The following FKBP15 variants were observed in gnomAD, a reference collection of about 807,000 sequenced individuals.
FKBP15 encodes FK506-binding protein 15.
A neutral mutation model predicts 158.1 loss-of-function variants in FKBP15; 106 were observed. The ratio of observed to expected loss-of-function variants is 0.67; its 90% CI spans 0.57 to 0.79. The LOEUF (loss-of-function observed/expected upper bound fraction) is 0.79. Among genes scored for constraint, FKBP15 ranks in the 30% least tolerant of loss-of-function variants. The pLI, the probability that FKBP15 is intolerant of heterozygous loss-of-function variation, is 0.00. For missense variants in FKBP15, 1,287 were observed against 1,479.1 expected (o/e 0.87, Z 2.13); for synonymous variants, 547 against 548.6 (o/e 1.00, Z 0.04).
Position 113,173,557 on chromosome 9 carries a change from C to T in FKBP15, c.2428G>A (p.Glu810Lys). 1 of 1,613,968 alleles carries T rather than the reference C, an allele frequency of 6.2e-7. No individual in the cohort carries two copies. The highest frequency in any genetic ancestry group is 1.3e-5 in the African/African-American group (1 of 75,030). The part of the protein sequence containing the change: ...ELQTQWEAKC[E>K]HLLASAKDEH... ...TCCTTGGCGGAGGCCAACAAATGTT[C>T]ACATTTTGCTTCCCACTGGGTCTGT... Residue 810 changes from glutamate (E) to lysine (K), a missense_variant, in exon 23 of 28, where the codon GAA becomes AAA. Glu to Lys is a moderately conservative substitution (Grantham distance 56). Coordinates refer to ENST00000238256, the MANE Select transcript of FKBP15 (RefSeq NM_015258.2).
Position 113,188,482 on chromosome 9 carries a change from T to C in FKBP15, c.1183A>G (p.Thr395Ala). 5 of 1,613,520 alleles carry C rather than the reference T, an allele frequency of 3.1e-6. No individual in the cohort carries two copies. The South Asian group carries it at 3.3e-5, about 11-fold the overall frequency. Residue 395 changes from threonine (T) to alanine (A), a missense_variant, in exon 13 of 28, where the codon ACT becomes GCT. Physicochemically the swap from Thr to Ala is moderately conservative, Grantham distance 58. Transcript: ENST00000238256. Reference sequence around the variant, plus strand: ...ACAGGCTGCCCACCTCCTTGCAGAGTGTTCACATCCTGAAACAGGAACAAG... The same window carrying C: ...ACAGGCTGCCCACCTCCTTGCAGAGCGTTCACATCCTGAAACAGGAACAAG... ...SNDSEIEDVN[T>A]LQGGGQPVVT...
intron 19 of FKBP15, among the ~76,000 whole-genome samples, chr9:113,179,175 G>A (rs997826734): frequency 5.9e-5 from 9 of 151,968 alleles, no homozygotes; most frequent in Non-Finnish European, 1.0e-4. Context: ...GACCACAGGT[G>A]CAAGCTACTA....
intron 27 of FKBP15, 105 bp downstream of exon 27, chr9:113,168,355 C>A: frequency 2.1e-6 from 2 of 949,924 alleles, no homozygotes; most frequent in South Asian, 1.5e-5. Flanking sequence ...CACACAGAGT[C>A]CAGGGAGTGG....
rs1195972727 is a variant in FKBP15, at chr9:113,165,161, G to A, written c.*917C>T. 1 of 152,116 alleles carries A rather than the reference G, an allele frequency of 6.6e-6. No homozygotes were observed. Among genetic ancestry groups the A allele is most frequent in the Admixed American group, 6.5e-5 (1 of 15,272 alleles). The allele number at this position is 152,116 out of a possible 1,614,324, so 9.4% of individuals were successfully genotyped here. A position where few individuals can be genotyped will look rare whatever the true frequency, so the allele number is the denominator to read the frequency against. ...TAAGTCCTGGTCCCATGAGTTCTAA[G>A]GGAATGGAAGCTGCTCTCAAAGTGA... On this transcript the variant is annotated 3_prime_UTR_variant, in exon 28 of 28. Transcript: ENST00000238256.
In FKBP15 at chr9:113,184,865, A is replaced by G; in HGVS notation, c.1499-61T>C. ...CTGGAGCAGAGGAAACTGTATGAAG[A>G]AAAGCTAGTAGCTCTTCCAGTAAAG... On this transcript the variant is annotated intron_variant, in intron 15 of 27. Coordinates refer to ENST00000238256, the MANE Select transcript of FKBP15 (RefSeq NM_015258.2). The surrounding 1 kb of genome is among the most constrained non-coding windows in gnomAD (Gnocchi z 4.5). The G allele has an allele frequency of 7.9e-7, 1 of 1,272,894 alleles. No homozygotes were observed. Among genetic ancestry groups the G allele is most frequent in the South Asian group, 1.3e-5 (1 of 77,568 alleles). 78.8% of individuals were successfully genotyped at this position (1,272,894 alleles called of 1,614,324 possible).
intron 6 of FKBP15, among the ~76,000 whole-genome samples, chr9:113,201,413 A>T (rs75986926): frequency 0.017 from 2,658 of 152,312 alleles, 91 homozygotes; most frequent in African/African-American, 0.061. Flanking sequence ...TAATGATTAC[A>T]TCAATTAAGA....
chr9:113,218,827 C>T (rs1456900890), intron 1 of FKBP15, among the ~76,000 whole-genome samples: 1 of 152,132 alleles, frequency 6.6e-6, no homozygotes, highest in Non-Finnish European at 1.5e-5. Flanking sequence ...AGGCTTTTTC[C>T]TATCTTTTAC....
At chr9:113,175,922 G>A (rs1045882988) in intron 21 of FKBP15, among the ~76,000 whole-genome samples, 1 of 152,140 alleles carries the variant, frequency 6.6e-6, no homozygotes, top group Non-Finnish European at 1.5e-5. Flanking sequence ...GAAAGTGTAA[G>A]CACTATTCTT....
chr9:113,211,106 C>G (rs887629759), intron 2 of FKBP15, among the ~76,000 whole-genome samples: 2 of 152,164 alleles, frequency 1.3e-5, no homozygotes, highest in Non-Finnish European at 2.9e-5. Flanking sequence ...TTCACACATA[C>G]GTATATTCTA....
At chr9:113,217,869 A>G (rs1362881653) in intron 1 of FKBP15, among the ~76,000 whole-genome samples, 1 of 152,036 alleles carries the variant, frequency 6.6e-6, no homozygotes, top group Non-Finnish European at 1.5e-5. Flanking sequence ...ACAAAAATAA[A>G]TAAATTTTTA....
At chr9:113,174,682 C>T in intron 21 of FKBP15, 99 bp from the exon 22 acceptor site, 1 of 1,283,934 alleles carries the variant, frequency 7.8e-7, no homozygotes, top group African/African-American at 1.5e-5. Flanking sequence ...ATCCTTACTC[C>T]ATTTCTGAAA....
chr9:113,163,582 C>T lies in FKBP15; in HGVS notation c.*2496G>A, dbSNP rs774792184. ...TGATGGATGGCAGAAACTGCTGAGA[C>T]CTATTTCCCTTTCTTGGGGAGAGAA... On this transcript the variant is annotated 3_prime_UTR_variant, in exon 28 of 28. Transcript: ENST00000238256. 6.6e-6 allele frequency: 1 copy of T among 152,552 alleles called. No individual in the cohort carries two copies. Among genetic ancestry groups the T allele is most frequent in the Non-Finnish European group, 1.5e-5 (1 of 68,030 alleles). The allele number at this position is 152,552 out of a possible 1,614,324, so 9.4% of individuals were successfully genotyped here. A position where few individuals can be genotyped will look rare whatever the true frequency, so the allele number is the denominator to read the frequency against.
intron 15 of FKBP15, among the ~76,000 whole-genome samples, chr9:113,185,773 C>CT (rs1466052574): frequency 6.6e-6 from 1 of 152,164 alleles, no homozygotes; most frequent in Non-Finnish European, 1.5e-5. Flanking sequence ...TACTGCTTGA[C>CT]TTTTTTATAA....
chr9:113,210,161 C>A (rs1436584867), intron 2 of FKBP15, among the ~76,000 whole-genome samples: 1 of 152,144 alleles, frequency 6.6e-6, no homozygotes, highest in Non-Finnish European at 1.5e-5. Context: ...ACAAAGCGCA[C>A]GCTATCTAGC....
Position 113,169,604 on chromosome 9 carries a change from G to A in FKBP15, c.3105C>T (p.His1035=). 3.7e-6 allele frequency: 6 copies of A among 1,614,048 alleles called. No homozygotes were observed. Among genetic ancestry groups the A allele is most frequent in the South Asian group, 3.3e-5 (3 of 91,090 alleles). ...TTGAAGTCGGGGGCCCTAGAACTCTGTGGGATGGGATGCAAGACAGTTCGG... is the reference window on the plus strand; with the variant it reads ...TTGAAGTCGGGGGCCCTAGAACTCTATGGGATGGGATGCAAGACAGTTCGG... ...LPPELSCIPS[H]RVLGPPTSIP... is the part of the protein sequence containing the mutation. The change falls in exon 26 of 28, where the codon CAC becomes CAT. Residue 1035 remains histidine (H), a synonymous_variant. Transcript: ENST00000238256.
chr9:113,174,648 G>A (rs375168770), intron 21 of FKBP15, 65 bp from the exon 22 acceptor site: 472 of 1,501,802 alleles, frequency 3.1e-4, no homozygotes, highest in Non-Finnish European at 3.6e-4. Flanking sequence ...GGATGATGGC[G>A]GTGGCAGTTA....
chr9:113,191,569 T>A (rs556431170), intron 11 of FKBP15, among the ~76,000 whole-genome samples: 1 of 151,066 alleles, frequency 6.6e-6, no homozygotes, highest in African/African-American at 2.4e-5. Flanking sequence ...CACAATGGAA[T>A]ATTGTGATAT....
Position 113,178,776 on chromosome 9 carries a change from G to A in FKBP15, c.1940C>T (p.Ala647Val), listed in dbSNP as rs993676365. The A allele has an allele frequency of 2.4e-5, 38 of 1,608,086 alleles. No homozygotes were observed. The highest frequency in any genetic ancestry group is 3.4e-5 in the Admixed American group (2 of 59,168). ...EKAKVTEELA[A>V]ATAQVSHLQL... The stretch of plus-strand genomic sequence containing the variant: ...CAGATGAGAGACCTGTGCAGTGGCC[G>A]CTGCTAACTCCTCTGTCACCTTGGC... Residue 647 changes from alanine to valine, a missense_variant, in exon 20 of 28, where the codon GCG (alanine) becomes GTG (valine). Coordinates refer to ENST00000238256, the MANE Select transcript of FKBP15 (RefSeq NM_015258.2).
chr9:113,185,606 C>T (rs1462264864), intron 15 of FKBP15, among the ~76,000 whole-genome samples: 4 of 152,156 alleles, frequency 2.6e-5, no homozygotes, highest in African/African-American at 9.7e-5. Context: ...TAGCAGTTTA[C>T]ACTTTATCTT....
Sources: gnomAD v4.1 joint callset for allele counts (sites outside exome capture counted in the v4.1 genomes callset) on GRCh38, gnomAD v4.1.1 for gene constraint, Gnocchi (gnomAD v3.1) non-coding constraint, MANE v1.5 for transcripts, NCBI Gene and HGNC (gene_info 2026-07-23, HGNC 2026-07-21) for gene names.